Variants in SPG11 observed in about 807,000 individuals in gnomAD.
The protein encoded by SPG11 is SPG11 vesicle trafficking associated, spatacsin, also known as spatacsin.
In SPG11, 222 loss-of-function variants were observed where a neutral mutation model predicts 274.0. The observed-to-expected ratio is 0.81, with a 90% CI of 0.73 to 0.91. The LOEUF is 0.91. Among genes scored for constraint, SPG11 ranks in the 40% least tolerant of loss-of-function variants. SPG11 has a pLI of 0.00. For synonymous variants in SPG11, 1,144 were observed against 1,039.7 expected, an observed-to-expected ratio of 1.10 and a Z score of -1.93; for missense variants, 3,114 against 2,872.7, an observed-to-expected ratio of 1.08 and a Z score of -1.92.
At position 44,563,053 on chromosome 15, in the gene SPG11, ATTC is replaced by A. The variant is rs367756914; in HGVS notation, c.*65_*67del. On this transcript the variant is annotated 3_prime_UTR_variant, in exon 40 of 40. Coordinates refer to ENST00000261866, the MANE Select transcript of SPG11 (RefSeq NM_025137.4). ...CAACTTTAGCAAAGATCTCCAATGC[ATTC>A]TTCTTCTCATCACATCTGTCAGAAT... The A allele has an allele frequency of 9.3e-5, 140 of 1,497,632 alleles. No homozygotes were observed. The East Asian group carries it at 1.1e-3, about 12-fold the overall frequency. The allele number at this position is 1,497,632 out of a possible 1,614,324, so 92.8% of individuals were successfully genotyped here.
At chr15:44,609,834 T>C (rs2083413787) in intron 18 of SPG11, among the ~76,000 whole-genome samples, 1 of 149,320 alleles carries the variant, frequency 6.7e-6, no homozygotes, top group Non-Finnish European at 1.5e-5. Context: ...CAGGCTCAAG[T>C]AATCGTGTCT....
chr15:44,563,414 C>A (rs2082238041), intron 39 of SPG11, 113 bp from the exon 40 acceptor site: 1 of 887,976 alleles, frequency 1.1e-6, no homozygotes, highest in Non-Finnish European at 1.8e-6. Flanking sequence ...TCTTGGCTCA[C>A]TGCAACCTCC....
intron 11 of SPG11, 81 bp from the exon 12 acceptor site, chr15:44,622,880 A>T: frequency 1.0e-6 from 1 of 960,860 alleles, no homozygotes; most frequent in East Asian, 2.4e-5. Flanking sequence ...TAGATACAGA[A>T]ACACCCTATT....
intron 11 of SPG11, among the ~76,000 whole-genome samples, chr15:44,623,250 T>G (rs562235815): frequency 2.0e-5 from 3 of 152,202 alleles, no homozygotes; most frequent in Admixed American, 6.5e-5. Flanking sequence ...TGCCTGGCCC[T>G]CCTACATTCA....
At chr15:44,595,646 T>G (rs2083016869) in intron 25 of SPG11, among the ~76,000 whole-genome samples, 187 bp from the exon 26 acceptor site, 1 of 152,014 alleles carries the variant, frequency 6.6e-6, no homozygotes. Flanking sequence ...TCCTGCAGAG[T>G]GTTGCAGGTC....
At position 44,585,894 on chromosome 15, in the gene SPG11, G is replaced by A. The variant is rs867306670; in HGVS notation, c.4907-44C>T. 9.2e-6 allele frequency: 14 copies of A among 1,523,600 alleles called. No homozygotes were observed. The Middle Eastern group carries it at 6.9e-4, about 75-fold the overall frequency. The allele number at this position is 1,523,600 out of a possible 1,614,324, so 94.4% of individuals were successfully genotyped here. A position where few individuals can be genotyped will look rare whatever the true frequency, so the allele number is the denominator to read the frequency against. On this transcript the variant is annotated intron_variant, in intron 28 of 39. Coordinates refer to ENST00000261866, the MANE Select transcript of SPG11 (RefSeq NM_025137.4). ...GATATAAACATTTAGTCAATAAAAT[G>A]CCACTACAGCATTTCAAGAGTAATA...
In SPG11 at chr15:44,652,224, ATCT is replaced by A; in HGVS notation, c.909_911del (p.Glu303del). 1 of 1,614,118 alleles carries A rather than the reference ATCT, an allele frequency of 6.2e-7. No individual in the cohort carries two copies. Among genetic ancestry groups the A allele is most frequent in the Non-Finnish European group, 8.5e-7 (1 of 1,179,988 alleles). On this transcript the variant is annotated inframe_deletion, in exon 5 of 40. Coordinates refer to ENST00000261866, the MANE Select transcript of SPG11 (RefSeq NM_025137.4). ...CGCCCTTAGGTCCTTGAATAGGAAG[ATCT>A]TCTAGTATTCTTTCACACAGTAGGT...
At chr15:44,590,891 A>G (rs752381354) in intron 27 of SPG11, 3 of 152,200 alleles carry the variant, frequency 2.0e-5, no homozygotes, top group Non-Finnish European at 4.4e-5. Context: ...TCTGAAGGTA[A>G]GTTTAACATG....
At chr15:44,608,332 T>C in intron 19 of SPG11, 112 bp downstream of exon 19, 1 of 1,148,800 alleles carries the variant, frequency 8.7e-7, no homozygotes. Flanking sequence ...GCTATCATGC[T>C]GTGTAAGTAA....
chr15:44,596,097 C>T lies in SPG11; in HGVS notation c.4420G>A (p.Ala1474Thr), dbSNP rs1326255327. ...KQQAPILSVL[A>T]SCLQGASAIS... ...ATGATCCTCACCTGGAGACATGAGG[C>T]CAGAACACTGAGGATAGGGGCCTGT... The change falls in exon 25 of 40, where the codon GCC (alanine) becomes ACC (threonine). Residue 1474 changes from alanine (A) to threonine (T), a missense_variant. By Grantham distance (58) the Ala-to-Thr change is moderately conservative (BLOSUM62 0). Coordinates refer to ENST00000261866, the MANE Select transcript of SPG11 (RefSeq NM_025137.4). 1.3e-5 allele frequency: 21 copies of T among 1,613,454 alleles called. No individual in the cohort carries two copies. Among genetic ancestry groups the T allele is most frequent in the Non-Finnish European group, 1.8e-5 (21 of 1,180,026 alleles).
intron 30 of SPG11, among the ~76,000 whole-genome samples, chr15:44,580,147 T>G (rs1218150291): frequency 6.6e-6 from 1 of 152,198 alleles, no homozygotes; most frequent in Non-Finnish European, 1.5e-5. Context: ...ATCATATTTT[T>G]TACTGTACCT....
chr15:44,595,159 G>T, intron 26 of SPG11, 100 bp downstream of exon 26: 2 of 1,200,928 alleles, frequency 1.7e-6, no homozygotes, highest in Non-Finnish European at 2.4e-6. Flanking sequence ...TCTGTTGTTG[G>T]CTAAAAAAAA....
Position 44,589,381 on chromosome 15 carries a change from T to C in SPG11, c.4777A>G (p.Ile1593Val), listed in dbSNP as rs774569816. 2 of 1,614,102 alleles carry C rather than the reference T, an allele frequency of 1.2e-6. No homozygotes were observed. The highest frequency in any genetic ancestry group is 2.2e-5 in the South Asian group (2 of 91,080). Residue 1593 changes from isoleucine to valine, a missense_variant, in exon 28 of 40, where the codon ATC (isoleucine) becomes GTC (valine). Physicochemically the swap from Ile to Val is conservative, Grantham distance 29. Coordinates refer to ENST00000261866, the MANE Select transcript of SPG11 (RefSeq NM_025137.4). ...NTAATKVHPV[I>V]PAMWLEDQVC... ...TGATCCTCCAGCCACATGGCAGGGATGACAGGGTGGACCTTTGTGGCTGCT... is the reference window on the plus strand; with the variant it reads ...TGATCCTCCAGCCACATGGCAGGGACGACAGGGTGGACCTTTGTGGCTGCT...
At chr15:44,600,415 A>G in intron 21 of SPG11, 52 bp downstream of exon 21, 1 of 1,586,188 alleles carries the variant, frequency 6.3e-7, no homozygotes, top group Non-Finnish European at 8.7e-7. Flanking sequence ...AAGTGCTGGG[A>G]TTACAGGTGT....
intron 15 of SPG11, among the ~76,000 whole-genome samples, chr15:44,618,499 A>G (rs1462070862): frequency 3.0e-5 from 4 of 132,758 alleles, no homozygotes; most frequent in Admixed American, 8.1e-5. Context: ...CCTGGGCGAC[A>G]GAGTGAGACT....
chr15:44,585,203 T>TAA (rs553523542), intron 29 of SPG11, among the ~76,000 whole-genome samples: 1 of 146,590 alleles, frequency 6.8e-6, no homozygotes, highest in African/African-American at 2.5e-5. Flanking sequence ...GTGTCAAAAG[T>TAA]AAAAAAAAAA....
At chr15:44,585,526 C>G in intron 29 of SPG11, 110 bp downstream of exon 29, 3 of 866,328 alleles carry the variant, frequency 3.5e-6, no homozygotes, top group Admixed American at 2.2e-5. Flanking sequence ...TGCATGAACC[C>G]GAGAGGCGGA....
chr15:44,610,672 C>T (rs933043034), intron 18 of SPG11, among the ~76,000 whole-genome samples, 168 bp downstream of exon 18: 9 of 152,164 alleles, frequency 5.9e-5, no homozygotes, highest in East Asian at 3.9e-4. Flanking sequence ...GCCACTGCAC[C>T]GGGCCGAGAT....
intron 16 of SPG11, among the ~76,000 whole-genome samples, chr15:44,613,957 T>C (rs1367501980): frequency 6.6e-6 from 1 of 152,112 alleles, no homozygotes; most frequent in Non-Finnish European, 1.5e-5. Flanking sequence ...GGTGGGGGAA[T>C]TGCTTGAGCC....
Sources: allele counts gnomAD v4.1 joint callset (sites outside exome capture counted in the v4.1 genomes callset), GRCh38; gene constraint gnomAD v4.1.1; transcripts MANE v1.5; gene names NCBI Gene and HGNC (gene_info 2026-07-23, HGNC 2026-07-21).